FAM114A2: variants seen among roughly 807,000 people sequenced by gnomAD.
FAM114A2 encodes the protein protein FAM114A2.
In FAM114A2, 53 loss-of-function variants were observed where a neutral mutation model predicts 58.4. The ratio of observed to expected loss-of-function variants is 0.91; its 90% confidence interval spans 0.73 to 1.14. The LOEUF (loss-of-function observed/expected upper bound fraction) is 1.14. FAM114A2 is among the 50% of genes most tolerant of loss of function. The pLI is 0.00. For synonymous variants in FAM114A2, 228 were observed against 211.4 expected (o/e 1.08, Z -0.68); for missense variants, 601 against 581.1 (o/e 1.03, Z -0.35).
chr5:154,002,133 A>AT, intron 11 of FAM114A2, 118 bp downstream of exon 11: 1 of 822,910 alleles, frequency 1.2e-6, no homozygotes, highest in Non-Finnish European at 2.0e-6. Context: ...AAACCATCTA[A>AT]TATGTGGATG....
intron 12 of FAM114A2, among the ~76,000 whole-genome samples, chr5:153,997,189 GAA>G (rs1426082613): frequency 2.0e-5 from 3 of 152,098 alleles, no homozygotes; most frequent in Non-Finnish European, 2.9e-5. Context: ...AGCCAATTTG[GAA>G]AACAGTTTGG....
intron 4 of FAM114A2, among the ~76,000 whole-genome samples, chr5:154,030,529 T>TA (rs1347862806): frequency 2.0e-5 from 3 of 152,186 alleles, no homozygotes; most frequent in African/African-American, 2.4e-5. Flanking sequence ...AAGTAAACCT[T>TA]ACAATTGGCT....
At chr5:153,997,453 T>C (rs1446447744) in intron 12 of FAM114A2, among the ~76,000 whole-genome samples, 2 of 152,262 alleles carry the variant, frequency 1.3e-5, no homozygotes, top group African/African-American at 4.8e-5. Flanking sequence ...TGGATAAGCC[T>C]CAAAAACACT....
chr5:154,032,310 G>T (rs1482656800), intron 4 of FAM114A2, among the ~76,000 whole-genome samples: 2 of 152,166 alleles, frequency 1.3e-5, no homozygotes, highest in Non-Finnish European at 2.9e-5. Context: ...CCTCTAACTT[G>T]ATTGAGACCT....
At chr5:154,029,069 T>C (rs1772001388) in intron 5 of FAM114A2, among the ~76,000 whole-genome samples, 1 of 152,216 alleles carries the variant, frequency 6.6e-6, no homozygotes, top group Admixed American at 6.5e-5. Flanking sequence ...TCCTAGATAA[T>C]CCTCTTACAA....
chr5:154,027,381 A>T, intron 6 of FAM114A2, 47 bp from the exon 7 acceptor site: 4 of 1,531,592 alleles, frequency 2.6e-6, no homozygotes, highest in Non-Finnish European at 3.5e-6. Flanking sequence ...ATGAGAGCTC[A>T]AGGGTGAGTT....
chr5:154,008,786 CA>C lies in FAM114A2; in HGVS notation c.993+2454del, dbSNP rs1207755694. ...CCAAGCATTTTGGATAAGGGATACT[CA>C]ATCTATAGTATAGGCAAAGCAATAA... is the stretch of plus-strand genomic sequence containing the variant. On this transcript the variant is annotated intron_variant, in intron 9 of 13. Coordinates refer to ENST00000351797, the MANE Select transcript of FAM114A2 (RefSeq NM_018691.4). 7.9e-5 allele frequency among the ~76,000 whole-genome samples: 12 copies of C among 152,100 alleles called. 2 individuals are homozygous for C. Among genetic ancestry groups the C allele is most frequent in the Non-Finnish European group, 1.5e-5 (1 of 68,018 alleles).
chr5:154,023,865 C>T (rs577115570), intron 8 of FAM114A2, among the ~76,000 whole-genome samples: 1 of 152,040 alleles, frequency 6.6e-6, no homozygotes, highest in Non-Finnish European at 1.5e-5. Flanking sequence ...TATTTCTTCT[C>T]CTTAACTGAT....
Position 153,991,040 on chromosome 5 carries a change from C to T in FAM114A2, c.*1936G>A, listed in dbSNP as rs538163831. On this transcript the variant is annotated 3_prime_UTR_variant, in exon 14 of 14. Transcript: ENST00000351797. ...TAGACAATTGTTACTCAGAATTGGGCCTTTCATCATTTCACTAGTGGTCCC... is the reference window on the plus strand; with the variant it reads ...TAGACAATTGTTACTCAGAATTGGGTCTTTCATCATTTCACTAGTGGTCCC... 1 of 151,454 alleles carries T rather than the reference C, an allele frequency of 6.6e-6. No homozygotes were observed. Among genetic ancestry groups the T allele is most frequent in the Non-Finnish European group, 1.5e-5 (1 of 67,974 alleles). The allele number at this position is 151,454 out of a possible 1,614,324, so 9.4% of individuals were successfully genotyped here.
intron 13 of FAM114A2, among the ~76,000 whole-genome samples, chr5:153,993,638 T>G (rs1769378930): frequency 6.6e-6 from 1 of 152,158 alleles, no homozygotes; most frequent in African/African-American, 2.4e-5. Flanking sequence ...TGAACAACAT[T>G]TTTCAGAAGT....
intron 8 of FAM114A2, among the ~76,000 whole-genome samples, chr5:154,020,673 A>T (rs1231584836): frequency 6.6e-6 from 1 of 152,138 alleles, no homozygotes; most frequent in African/African-American, 2.4e-5. Flanking sequence ...CAACCAAAAA[A>T]AGTCCAGGAT....
chr5:154,035,069 T>C (rs1772461495), intron 1 of FAM114A2, 102 bp from the exon 2 acceptor site: 3 of 683,820 alleles, frequency 4.4e-6, no homozygotes, highest in East Asian at 5.4e-5. Context: ...CACATACAAG[T>C]ATAAGGAATA....
chr5:154,037,863 C>T (rs1772693445), intron 1 of FAM114A2, among the ~76,000 whole-genome samples: 1 of 152,100 alleles, frequency 6.6e-6, no homozygotes, highest in African/African-American at 2.4e-5. Context: ...AAAACAGTCC[C>T]TTTACTAAAA....
intron 9 of FAM114A2, among the ~76,000 whole-genome samples, chr5:154,009,121 T>A (rs994203835): frequency 6.6e-6 from 1 of 152,216 alleles, no homozygotes; most frequent in African/African-American, 2.4e-5. Flanking sequence ...CACTTAGTAC[T>A]CATGTCTTGG....
At chr5:154,017,136 G>A (rs1364560044) in intron 8 of FAM114A2, among the ~76,000 whole-genome samples, 1 of 152,160 alleles carries the variant, frequency 6.6e-6, no homozygotes, top group Non-Finnish European at 1.5e-5. Flanking sequence ...TAAAACAATT[G>A]CCAATAGACC....
At chr5:154,018,710 T>A (rs1359653708) in intron 8 of FAM114A2, among the ~76,000 whole-genome samples, 1 of 152,130 alleles carries the variant, frequency 6.6e-6, no homozygotes, top group Non-Finnish European at 1.5e-5. Context: ...TAATCCACCA[T>A]GATCAAGTGG....
intron 8 of FAM114A2, among the ~76,000 whole-genome samples, chr5:154,024,166 A>T (rs1771625934): frequency 6.6e-6 from 1 of 152,212 alleles, no homozygotes; most frequent in African/African-American, 2.4e-5. Context: ...AGACATTTCT[A>T]AAAAGCATTG....
rs369019754 is a variant in FAM114A2 at position 154,027,260 on chromosome 5, A to G, written c.705T>C (p.Thr235=). Residue 235 remains threonine (T), a synonymous_variant, in exon 7 of 14, where the codon ACT becomes ACC. Coordinates refer to ENST00000351797, the MANE Select transcript of FAM114A2 (RefSeq NM_018691.4). Reference sequence around the variant, plus strand: ...ATTCATCAAAGAGTAGCCCATAATGAGTTTTCTTGTCTGTTTCCACGGTAA... The same window carrying G: ...ATTCATCAAAGAGTAGCCCATAATGGGTTTTCTTGTCTGTTTCCACGGTAA... The part of the protein sequence containing the change: ...NEVTVETDKK[T]HYGLLFDEFQ... 264 of 1,613,576 alleles carry G rather than the reference A, an allele frequency of 1.6e-4. 1 individual carries two copies. In the South Asian group the frequency reaches 2.7e-3, roughly 16 times the overall value.
chr5:154,009,418 G>A (rs1223992469), intron 9 of FAM114A2, among the ~76,000 whole-genome samples: 1 of 152,128 alleles, frequency 6.6e-6, no homozygotes, highest in Non-Finnish European at 1.5e-5. Flanking sequence ...GGGGAGAAAG[G>A]AGAGGTCATG....
Sources: gnomAD v4.1 joint callset for allele counts (sites outside exome capture counted in the v4.1 genomes callset) on GRCh38, gnomAD v4.1.1 for gene constraint, MANE v1.5 for transcripts, NCBI Gene and HGNC (gene_info 2026-07-23, HGNC 2026-07-21) for gene names.